Variants in COLEC11 observed in about 807,000 individuals in gnomAD.
The protein encoded by COLEC11 is collectin subfamily member 11.
Under a neutral mutation model 27.3 loss-of-function variants are expected in COLEC11, and 20 were observed. The ratio of observed to expected loss-of-function variants is 0.73; its 90% CI spans 0.51 to 1.06. COLEC11 has a LOEUF of 1.06. COLEC11 is among the 50% of genes least tolerant of loss of function. The pLI is 0.00. For synonymous variants in COLEC11, 163 were observed against 154.7 expected (o/e 1.05, Z -0.40); for missense variants, 310 against 383.0 (o/e 0.81, Z 1.59).
intron 2 of COLEC11, among the ~76,000 whole-genome samples, chr2:3,607,449 CTT>C (rs377560723): frequency 8.2e-5 from 9 of 109,156 alleles, no homozygotes; most frequent in African/African-American, 2.2e-4. Flanking sequence ...TTTTTTTTTG[CTT>C]TTTTTTTTTT....
At chr2:3,641,873 C>G (rs1333196862) in intron 5 of COLEC11, among the ~76,000 whole-genome samples, 1 of 152,158 alleles carries the variant, frequency 6.6e-6, no homozygotes, top group Non-Finnish European at 1.5e-5. Flanking sequence ...AGGCGTAAAG[C>G]CCACCCGCAC....
intron 1 of COLEC11, among the ~76,000 whole-genome samples, chr2:3,596,999 G>A (rs1021409992): frequency 6.6e-6 from 1 of 152,240 alleles, no homozygotes; most frequent in African/African-American, 2.4e-5. Flanking sequence ...CCTAGCTGGG[G>A]CCCCTCGCAG....
intron 2 of COLEC11, among the ~76,000 whole-genome samples, chr2:3,610,053 C>T (rs1430706242): frequency 6.6e-6 from 1 of 152,214 alleles, no homozygotes; most frequent in Non-Finnish European, 1.5e-5. Flanking sequence ...GTCCTTACTG[C>T]TTTATCTTTA....
intron 1 of COLEC11, chr2:3,603,507 CG>C (rs925371881): frequency 4.1e-6 from 3 of 725,656 alleles, no homozygotes; most frequent in African/African-American, 3.5e-5. Flanking sequence ...AGAAGACATG[CG>C]GTTTCACCAT....
chr2:3,607,996 G>A (rs1662868441), intron 2 of COLEC11, among the ~76,000 whole-genome samples: 1 of 152,194 alleles, frequency 6.6e-6, no homozygotes, highest in Non-Finnish European at 1.5e-5. Flanking sequence ...GAAGTCGCTG[G>A]CACACGAGTT....
intron 3 of COLEC11, among the ~76,000 whole-genome samples, chr2:3,615,905 C>T (rs1292431578): frequency 7.3e-6 from 1 of 136,598 alleles, no homozygotes. Context: ...GGGGCTGCCC[C>T]CCACCTCCCT....
intron 3 of COLEC11, among the ~76,000 whole-genome samples, chr2:3,633,960 C>T (rs993665886): frequency 5.9e-5 from 9 of 152,278 alleles, no homozygotes; most frequent in Non-Finnish European, 1.3e-4. Context: ...TCTGTAGGAC[C>T]CTCTGCGGGA....
intron 3 of COLEC11, among the ~76,000 whole-genome samples, chr2:3,625,661 C>T (rs1447210523): frequency 1.8e-5 from 2 of 108,754 alleles, no homozygotes; most frequent in Admixed American, 2.7e-4. Flanking sequence ...GAGTCTCACT[C>T]TCGCTCTGTT....
chr2:3,641,549 C>A, intron 5 of COLEC11: 1 of 611,682 alleles, frequency 1.6e-6, no homozygotes, highest in Non-Finnish European at 2.4e-6. Flanking sequence ...CATCCACTTC[C>A]CCTGACAGGG....
intron 1 of COLEC11, among the ~76,000 whole-genome samples, chr2:3,601,275 G>T (rs1436042160): frequency 1.3e-5 from 2 of 152,094 alleles, no homozygotes; most frequent in African/African-American, 2.4e-5. Context: ...TACTTTTTGT[G>T]ACTTTGAGCT....
chr2:3,595,234 C>T, intron 1 of COLEC11, 66 bp downstream of exon 1: 1 of 194,448 alleles, frequency 5.1e-6, no homozygotes, highest in Non-Finnish European at 1.1e-5. Flanking sequence ...AGAGGGGAGG[C>T]AGGCAGGCTT....
chr2:3,600,001 C>T (rs112263656), intron 1 of COLEC11, among the ~76,000 whole-genome samples: 9,471 of 152,134 alleles, frequency 0.062, 324 homozygotes, highest in East Asian at 0.096. Flanking sequence ...TTTGGGAGGC[C>T]GAGGTGGGTG....
chr2:3,609,438 T>C (rs1267802884), intron 2 of COLEC11, among the ~76,000 whole-genome samples: 7 of 143,202 alleles, frequency 4.9e-5, no homozygotes, highest in Non-Finnish European at 9.0e-5. Context: ...GGTGCACTTA[T>C]AGCTAACTGC....
At position 3,604,509 on chromosome 2, in the gene COLEC11, C is replaced by T. The variant is rs771879278; in HGVS notation, c.130+39C>T. 29 of 1,610,818 alleles carry T rather than the reference C, an allele frequency of 1.8e-5. No homozygotes were observed. The East Asian group carries it at 6.5e-4, about 36-fold the overall frequency. On this transcript the variant is annotated intron_variant, in intron 2 of 6. Transcript: ENST00000349077. ...GGACTCTGGGCTGCTGGGCAGTGGC[C>T]TCCGGGCCAGCTGAGAGACTCCCAT...
At chr2:3,595,584 C>A (rs1410572430) in intron 1 of COLEC11, among the ~76,000 whole-genome samples, 1 of 152,206 alleles carries the variant, frequency 6.6e-6, no homozygotes, top group African/African-American at 2.4e-5. Context: ...CGGACAGCAG[C>A]CACGACTGCC....
At chr2:3,621,783 C>A (rs2147910633) in intron 3 of COLEC11, among the ~76,000 whole-genome samples, 1 of 152,318 alleles carries the variant, frequency 6.6e-6, no homozygotes, top group South Asian at 2.1e-4. Context: ...AAACTAATAA[C>A]AACTTAACTT....
In COLEC11 at chr2:3,643,543, T is replaced by A; in HGVS notation, c.424+4T>A. 6.2e-7 allele frequency: 1 copy of A among 1,611,208 alleles called. No homozygotes were observed. Among genetic ancestry groups the A allele is most frequent in the Non-Finnish European group, 8.5e-7 (1 of 1,177,610 alleles). ...GAGCTCAAGTTCATCAAGAATGGTA[T>A]GTGGCTCCCGGCGCCGCCCTCGCTC... On this transcript the variant is annotated splice_donor_region_variant and intron_variant, in intron 6 of 6. Coordinates refer to ENST00000349077, the MANE Select transcript of COLEC11 (RefSeq NM_024027.5).
intron 3 of COLEC11, among the ~76,000 whole-genome samples, chr2:3,621,508 G>C (rs1479319221): frequency 1.3e-5 from 2 of 152,072 alleles, no homozygotes; most frequent in East Asian, 3.9e-4. Context: ...CGTGTCTTTT[G>C]ATTGGATAAT....
intron 5 of COLEC11, chr2:3,641,339 G>C (rs1333304492): frequency 1.5e-6 from 2 of 1,302,538 alleles, no homozygotes; most frequent in African/African-American, 1.5e-5. Flanking sequence ...CAGTGTCACT[G>C]ACTGGCCGAG....
Sources: gnomAD v4.1 joint callset for allele counts (sites outside exome capture counted in the v4.1 genomes callset) on GRCh38, gnomAD v4.1.1 for gene constraint, MANE v1.5 for transcripts, NCBI Gene and HGNC (gene_info 2026-07-23, HGNC 2026-07-21) for gene names.